The following DAGLA variants were observed in gnomAD, a reference collection of about 807,000 sequenced individuals.
The protein encoded by DAGLA is diacylglycerol lipase alpha, also known as diacylglycerol lipase-alpha.
Under a neutral mutation model 102.6 loss-of-function variants are expected in DAGLA, and 22 were observed. That is an observed-to-expected ratio of 0.21 (90% CI 0.15 to 0.31). DAGLA has a LOEUF of 0.31. Ranked by LOEUF, DAGLA falls within the 10% of genes least tolerant of loss-of-function variation. The probability of loss-of-function intolerance (pLI) is 1.00; values close to 1 mark genes in which losing one functional copy is unlikely to be tolerated. For synonymous variants in DAGLA, 578 were observed against 628.9 expected, an observed-to-expected ratio of 0.92 and a Z score of 1.21; for missense variants, 927 against 1,446.6, an observed-to-expected ratio of 0.64 and a Z score of 5.83.
At chr11:61,717,051 G>A (rs544739009) in intron 1 of DAGLA, among the ~76,000 whole-genome samples, 1 of 152,256 alleles carries the variant, frequency 6.6e-6, no homozygotes, top group African/African-American at 2.4e-5. Context: ...GGGATAGGAA[G>A]GGCAGGCAGC....
In DAGLA at chr11:61,725,929, G is replaced by A. The variant is rs564915925; in HGVS notation, c.549-66G>A. 1.2e-3 allele frequency: 1,731 copies of A among 1,454,976 alleles called. 21 individuals carry two copies. The South Asian group carries it at 0.017, about 14-fold the overall frequency. The allele number at this position is 1,454,976 out of a possible 1,614,324, so 90.1% of individuals were successfully genotyped here. The stretch of plus-strand genomic sequence containing the variant: ...GAACAGCCTGCCCTGTTTCCATAAC[G>A]TCTGGGTCCCAGCTCTTCTGGTCCA... On this transcript the variant is annotated intron_variant, in intron 5 of 19. Transcript: ENST00000257215.
Position 61,726,024 on chromosome 11 carries a change from G to A in DAGLA, c.578G>A (p.Ser193Asn), listed in dbSNP as rs1455764511. Reference sequence around the variant, plus strand: ...CGCTTAGAGGAGGGTCAAGCCACCAGCTGGTCGCGCCGGCTCAAAGTGTTC... The same window carrying A: ...CGCTTAGAGGAGGGTCAAGCCACCAACTGGTCGCGCCGGCTCAAAGTGTTC... ...RHRLEEGQAT[S>N]WSRRLKVFLC... Residue 193 changes from serine to asparagine, a missense_variant, in exon 6 of 20, where the codon AGC becomes AAC. Transcript: ENST00000257215. 2 of 1,613,474 alleles carry A rather than the reference G, an allele frequency of 1.2e-6. No individual in the cohort carries two copies. The highest frequency in any genetic ancestry group is 2.7e-5 in the African/African-American group (2 of 74,946).
At position 61,728,671 on chromosome 11, in the gene DAGLA, A is replaced by G. The variant is rs73485452; in HGVS notation, c.772-260A>G. ...CAGTTAGGGTTTCTCAGTGTCTCAT[A>G]CAAAATACCTTTCGCCTGCTGTGGG... On this transcript the variant is annotated intron_variant, in intron 7 of 19. Coordinates refer to ENST00000257215, the MANE Select transcript of DAGLA (RefSeq NM_006133.3). 5.5e-3 allele frequency among the ~76,000 whole-genome samples: 834 copies of G among 152,260 alleles called. 7 individuals are homozygous for G. The highest frequency in any genetic ancestry group is 0.019 in the African/African-American group (810 of 41,542).
At position 61,680,403 on chromosome 11, in the gene DAGLA, G is replaced by T. The variant is rs1403282219; in HGVS notation, c.-146G>T. Reference sequence around the variant, plus strand: ...GGGCGGAGGCGGCCTTCGCGCCGGCGCCGGCGCCCTGCGGAAGCGGCGTTA... The same window carrying T: ...GGGCGGAGGCGGCCTTCGCGCCGGCTCCGGCGCCCTGCGGAAGCGGCGTTA... On this transcript the variant is annotated 5_prime_UTR_variant, in exon 1 of 20. Transcript: ENST00000257215. 1 of 151,998 alleles carries T rather than the reference G, an allele frequency of 6.6e-6. No homozygotes were observed. The highest frequency in any genetic ancestry group is 2.4e-5 in the African/African-American group (1 of 41,392). 9.4% of individuals were successfully genotyped at this position (151,998 alleles called of 1,614,324 possible).
chr11:61,733,536 C>T lies in DAGLA; in HGVS notation c.975-1313C>T, dbSNP rs763783098. Among the ~76,000 whole-genome samples the T allele has an allele frequency of 5.9e-5, 9 of 152,356 alleles. No homozygotes were observed. The South Asian group carries it at 6.2e-4, about 11-fold the overall frequency. On this transcript the variant is annotated intron_variant, in intron 9 of 19. Coordinates refer to ENST00000257215, the MANE Select transcript of DAGLA (RefSeq NM_006133.3). ...CTTAATAAAATCTCAGCTGTCATCCCGTGACAGCTGGCAGGCCCAGTCACG... is the reference window on the plus strand; with the variant it reads ...CTTAATAAAATCTCAGCTGTCATCCTGTGACAGCTGGCAGGCCCAGTCACG...
chr11:61,729,149 G>C (rs1471867607), intron 8 of DAGLA, 141 bp downstream of exon 8: 4 of 728,500 alleles, frequency 5.5e-6, no homozygotes, highest in Non-Finnish European at 9.8e-6. Context: ...TCTCCAGAGA[G>C]CCTCTCTGCT....
intron 1 of DAGLA, among the ~76,000 whole-genome samples, chr11:61,695,271 G>T (rs2065056099): frequency 6.7e-6 from 1 of 149,566 alleles, no homozygotes; most frequent in South Asian, 2.1e-4. Flanking sequence ...CAACCATCAG[G>T]CACCTCTAGG....
intron 2 of DAGLA, 78 bp from the exon 3 acceptor site, chr11:61,720,601 G>C (rs2065273413): frequency 5.8e-6 from 8 of 1,373,968 alleles, no homozygotes; most frequent in Non-Finnish European, 8.2e-6. Flanking sequence ...ATCTGGGCTG[G>C]GGAAGGGCCT....
At chr11:61,711,275 C>G (rs1336423490) in intron 1 of DAGLA, among the ~76,000 whole-genome samples, 1 of 152,220 alleles carries the variant, frequency 6.6e-6, no homozygotes, top group East Asian at 1.9e-4. Flanking sequence ...CCGGCCGCAC[C>G]CATCACAGAG....
intron 1 of DAGLA, among the ~76,000 whole-genome samples, chr11:61,696,559 T>TA (rs1461351755): frequency 1.9e-5 from 2 of 105,444 alleles, no homozygotes. Flanking sequence ...CCTCCCAGAG[T>TA]AAGAGGCATT....
intron 1 of DAGLA, among the ~76,000 whole-genome samples, chr11:61,694,100 G>T (rs951009908): frequency 1.3e-5 from 2 of 152,246 alleles, no homozygotes; most frequent in African/African-American, 4.8e-5. Flanking sequence ...TGGGGCAGAG[G>T]CCCAAAGCTG....
intron 5 of DAGLA, among the ~76,000 whole-genome samples, chr11:61,724,262 T>A (rs1395994427): frequency 6.6e-6 from 1 of 152,126 alleles, no homozygotes; most frequent in East Asian, 1.9e-4. Context: ...AATTTGTTTG[T>A]TGAAAGAAAA....
intron 1 of DAGLA, among the ~76,000 whole-genome samples, chr11:61,708,676 C>T (rs1303452469): frequency 6.6e-6 from 1 of 152,230 alleles, no homozygotes; most frequent in Non-Finnish European, 1.5e-5. Flanking sequence ...AGCCACCACG[C>T]CCAGCCTCAC....
At chr11:61,708,630 G>A (rs1197616014) in intron 1 of DAGLA, among the ~76,000 whole-genome samples, 2 of 151,942 alleles carry the variant, frequency 1.3e-5, no homozygotes, top group South Asian at 2.1e-4. Context: ...TGATCCACCC[G>A]CCTCGGCCTC....
At chr11:61,729,188 A>G (rs1206573590) in intron 8 of DAGLA, among the ~76,000 whole-genome samples, 180 bp downstream of exon 8, 1 of 152,000 alleles carries the variant, frequency 6.6e-6, no homozygotes, top group Non-Finnish European at 1.5e-5. Context: ...AGAACCACCC[A>G]CTTCACACCG....
chr11:61,744,075 G>A lies in DAGLA; in HGVS notation c.2715G>A (p.Ser905=), dbSNP rs749855210. 18 of 1,612,736 alleles carry A rather than the reference G, an allele frequency of 1.1e-5. No individual in the cohort carries two copies. The highest frequency in any genetic ancestry group is 1.1e-5 in the Non-Finnish European group (13 of 1,179,966). ...TGCACAATGGGCGCCTGGGGGACTC[G>A]CCCAGTCCTCAGGTGCTGGAATTCG... ...LALHNGRLGD[S]PSPQVLEFAE... The change falls in exon 20 of 20, where the codon TCG becomes TCA. Residue 905 remains serine (S), a synonymous_variant. Transcript: ENST00000257215.
At chr11:61,720,472 G>A (rs81658) in intron 2 of DAGLA, among the ~76,000 whole-genome samples, 38,577 of 152,074 alleles carry the variant, frequency 0.25, 5,137 homozygotes, top group East Asian at 0.46. Context: ...TGCTGCTACT[G>A]TCTCCCCATG....
At chr11:61,742,371 T>C (rs1255838590) in intron 19 of DAGLA, among the ~76,000 whole-genome samples, 2 of 152,166 alleles carry the variant, frequency 1.3e-5, no homozygotes, top group African/African-American at 2.4e-5. Context: ...AGGCCCTGTG[T>C]GCTTGGTCAC....
chr11:61,720,270 G>A lies in DAGLA; in HGVS notation c.95+20G>A. ...CACCTGGTGAGTCCCCAGGCCCGGG[G>A]CCACAGGCCTGGGTTTGGAGAGAAA... is the stretch of plus-strand genomic sequence containing the variant. On this transcript the variant is annotated intron_variant, in intron 2 of 19. Coordinates refer to ENST00000257215, the MANE Select transcript of DAGLA (RefSeq NM_006133.3). The A allele has an allele frequency of 1.2e-6, 2 of 1,608,922 alleles. No homozygotes were observed. The highest frequency in any genetic ancestry group is 1.7e-6 in the Non-Finnish European group (2 of 1,176,052).
Sources: gnomAD v4.1 joint callset for allele counts (sites outside exome capture counted in the v4.1 genomes callset) on GRCh38, gnomAD v4.1.1 for gene constraint, MANE v1.5 for transcripts, NCBI Gene and HGNC (gene_info 2026-07-23, HGNC 2026-07-21) for gene names.